Variants in PTPRT observed in about 807,000 individuals in gnomAD.
The protein encoded by PTPRT is receptor-type tyrosine-protein phosphatase T.
Under a neutral mutation model 176.8 loss-of-function variants are expected in PTPRT, and 56 were observed. That is an observed-to-expected ratio of 0.32 (90% CI 0.26 to 0.40). PTPRT has a LOEUF of 0.40. PTPRT is among the 10% of genes least tolerant of loss of function. PTPRT has a pLI of 1.00. For synonymous variants in PTPRT, 783 were observed against 739.0 expected (o/e 1.06, Z -0.96); for missense variants, 1,540 against 1,908.2 (o/e 0.81, Z 3.60).
chr20:43,073,326 T>C (rs1361238246), intron 1 of PTPRT, among the ~76,000 whole-genome samples: 1 of 152,102 alleles, frequency 6.6e-6, no homozygotes, highest in African/African-American at 2.4e-5. Flanking sequence ...CATACGTCTG[T>C]CTCTTATTTC....
intron 7 of PTPRT, among the ~76,000 whole-genome samples, chr20:42,500,208 G>A (rs1405761924): frequency 6.6e-6 from 1 of 151,796 alleles, no homozygotes; most frequent in Non-Finnish European, 1.5e-5. Context: ...TGAATATAAA[G>A]TACAGAGAAG....
At chr20:42,275,209 A>T (rs60558568) in intron 13 of PTPRT, among the ~76,000 whole-genome samples, 9,385 of 152,260 alleles carry the variant, frequency 0.062, 444 homozygotes, top group East Asian at 0.21. Context: ...ATCCCTTTTA[A>T]TCCCTCCTCA....
chr20:42,880,883 C>T (rs1410483726), intron 2 of PTPRT, among the ~76,000 whole-genome samples: 1 of 152,186 alleles, frequency 6.6e-6, no homozygotes, highest in East Asian at 1.9e-4. Context: ...CCATTACTTT[C>T]AATGGCAAAT....
At chr20:43,042,530 C>G (rs1336203295) in intron 1 of PTPRT, among the ~76,000 whole-genome samples, 2 of 142,242 alleles carry the variant, frequency 1.4e-5, no homozygotes, top group African/African-American at 5.7e-5. Flanking sequence ...CAGATCTCTG[C>G]CTCAGGAAGA....
chr20:42,883,586 A>G (rs1369397468), intron 2 of PTPRT, among the ~76,000 whole-genome samples: 1 of 150,704 alleles, frequency 6.6e-6, no homozygotes, highest in East Asian at 2.0e-4. Flanking sequence ...TAAGTGGACT[A>G]AAGATGAGCA....
At chr20:43,011,170 A>C (rs1337042628) in intron 1 of PTPRT, among the ~76,000 whole-genome samples, 1 of 152,124 alleles carries the variant, frequency 6.6e-6, no homozygotes, top group Non-Finnish European at 1.5e-5. Context: ...GAATGAGCCT[A>C]TGTTCCCACA....
At chr20:42,721,027 A>C (rs2076294487) in intron 6 of PTPRT, among the ~76,000 whole-genome samples, 1 of 152,170 alleles carries the variant, frequency 6.6e-6, no homozygotes, top group South Asian at 2.1e-4. Context: ...AGTGTCAAAC[A>C]AGAGGAATGT....
chr20:42,420,312 T>C (rs545503038), intron 9 of PTPRT, among the ~76,000 whole-genome samples: 2 of 152,242 alleles, frequency 1.3e-5, no homozygotes, highest in South Asian at 4.1e-4. Context: ...GGGGTTATCA[T>C]GAAAAAGGAA....
intron 1 of PTPRT, among the ~76,000 whole-genome samples, chr20:43,045,185 G>C (rs1477250309): frequency 6.6e-6 from 1 of 152,210 alleles, no homozygotes; most frequent in Non-Finnish European, 1.5e-5. Context: ...TAGAAACAGA[G>C]CACCCAAGTC....
chr20:42,849,804 CAATA>C (rs1438527421), intron 2 of PTPRT, among the ~76,000 whole-genome samples: 1 of 152,188 alleles, frequency 6.6e-6, no homozygotes, highest in East Asian at 1.9e-4. Context: ...AGTAAGTCCT[CAATA>C]AATGTTAGCT....
chr20:42,910,338 A>G (rs187886320), intron 1 of PTPRT, among the ~76,000 whole-genome samples: 1 of 152,300 alleles, frequency 6.6e-6, no homozygotes, highest in African/African-American at 2.4e-5. Context: ...GGTTGGCCAT[A>G]TCCATGTACC....
intron 9 of PTPRT, among the ~76,000 whole-genome samples, chr20:42,385,117 T>C (rs894454925): frequency 6.6e-6 from 1 of 152,220 alleles, no homozygotes; most frequent in African/African-American, 2.4e-5. Context: ...TTTTTACTTT[T>C]GTTGTTTATG....
At chr20:42,355,316 T>C (rs1340322982) in intron 9 of PTPRT, among the ~76,000 whole-genome samples, 1 of 152,148 alleles carries the variant, frequency 6.6e-6, no homozygotes, top group East Asian at 1.9e-4. Flanking sequence ...CTACTTTCCT[T>C]TCTCTTCCCC....
chr20:43,049,400 G>A (rs546019303), intron 1 of PTPRT, among the ~76,000 whole-genome samples: 2 of 152,094 alleles, frequency 1.3e-5, no homozygotes, highest in African/African-American at 2.4e-5. Flanking sequence ...AAAACACAAA[G>A]CCATCTCTCT....
intron 2 of PTPRT, among the ~76,000 whole-genome samples, chr20:42,798,788 A>C (rs1247573775): frequency 6.6e-6 from 1 of 152,148 alleles, no homozygotes; most frequent in East Asian, 1.9e-4. Flanking sequence ...AAATTTGTTA[A>C]GGCAATTTTT....
intron 7 of PTPRT, among the ~76,000 whole-genome samples, chr20:42,595,412 A>C (rs1295927769): frequency 6.6e-6 from 1 of 152,074 alleles, no homozygotes; most frequent in East Asian, 1.9e-4. Flanking sequence ...GGTTGTGACA[A>C]GCAGAAATGG....
At chr20:42,457,047 C>T (rs956035902) in intron 8 of PTPRT, among the ~76,000 whole-genome samples, 2 of 152,054 alleles carry the variant, frequency 1.3e-5, no homozygotes, top group African/African-American at 4.8e-5. Context: ...GCCATATCAC[C>T]TAAATTTTAC....
the PTPRT span, among the ~76,000 whole-genome samples, chr20:42,032,135 C>T: frequency 6.6e-6 from 1 of 151,606 alleles, no homozygotes; most frequent in Non-Finnish European, 1.5e-5. Context: ...GAATTTGACT[C>T]AGTGAAATAG....
At chr20:42,729,978 G>A (rs1296581656) in intron 6 of PTPRT, among the ~76,000 whole-genome samples, 1 of 152,142 alleles carries the variant, frequency 6.6e-6, no homozygotes, top group Non-Finnish European at 1.5e-5. Flanking sequence ...ACTGTGCTAT[G>A]AGCCCAGCAT....
Sources: gnomAD v4.1 joint callset for allele counts (sites outside exome capture counted in the v4.1 genomes callset) on GRCh38, gnomAD v4.1.1 for gene constraint, MANE v1.5 for transcripts, NCBI Gene and HGNC (gene_info 2026-07-23, HGNC 2026-07-21) for gene names.